COL11A1: variants seen among roughly 807,000 people sequenced by gnomAD.
The protein encoded by COL11A1 is collagen type XI alpha 1 chain.
In COL11A1, 74 loss-of-function variants were observed where a neutral mutation model predicts 265.2. The ratio of observed to expected loss-of-function variants is 0.28; its 90% CI spans 0.23 to 0.34. The LOEUF is 0.34. COL11A1 is among the 10% of genes least tolerant of loss of function. The pLI is 1.00. For synonymous variants in COL11A1, 816 were observed against 727.6 expected, an observed-to-expected ratio of 1.12 and a Z score of -1.96; for missense variants, 2,165 against 2,263.6, an observed-to-expected ratio of 0.96 and a Z score of 0.88.
At chr1:103,051,361 A>G (rs956952212) in intron 4 of COL11A1, among the ~76,000 whole-genome samples, 1 of 152,136 alleles carries the variant, frequency 6.6e-6, no homozygotes, top group Non-Finnish European at 1.5e-5. Context: ...CTGCTGTGCT[A>G]GCAATCAGTG....
intron 46 of COL11A1, among the ~76,000 whole-genome samples, chr1:102,923,918 A>AT (rs1324810250): frequency 3.9e-5 from 6 of 151,994 alleles, no homozygotes; most frequent in Non-Finnish European, 7.4e-5. Context: ...ACTTTTAAAA[A>AT]TTCTTTCAGG....
chr1:102,981,475 G>A (rs377668840), intron 31 of COL11A1, among the ~76,000 whole-genome samples: 1 of 151,944 alleles, frequency 6.6e-6, no homozygotes, highest in African/African-American at 2.4e-5. Context: ...TAAGCAAAGA[G>A]ATATTATGCA....
intron 4 of COL11A1, among the ~76,000 whole-genome samples, chr1:103,050,850 G>A (rs1180790815): frequency 6.6e-6 from 1 of 152,128 alleles, no homozygotes; most frequent in Non-Finnish European, 1.5e-5. Context: ...GTCTGTTGGA[G>A]TTTGCTAGAG....
At position 102,989,529 on chromosome 1, in the gene COL11A1, T is replaced by G. The variant is rs1390463221; in HGVS notation, c.2383A>C (p.Lys795Gln). 6.2e-7 allele frequency: 1 copy of G among 1,610,344 alleles called. No homozygotes were observed. Among genetic ancestry groups the G allele is most frequent in the African/African-American group, 1.3e-5 (1 of 74,792 alleles). ...TTCTCTATACTTACTCTGTCACCTT[T>G]TAGACCCATGTCACCTTTGAATCCT... The part of the protein sequence containing the change: ...FPGFKGDMGL[K>Q]GDRGEVGQIG... Residue 795 changes from lysine (K) to glutamine (Q), a missense_variant, in exon 29 of 67, where the codon AAA becomes CAA. Physicochemically the swap from Lys to Gln is moderately conservative, Grantham distance 53 (BLOSUM62 1). Transcript: ENST00000370096.
intron 54 of COL11A1, among the ~76,000 whole-genome samples, chr1:102,910,945 T>C (rs1626950): frequency 0.028 from 4,318 of 152,258 alleles, 215 homozygotes; most frequent in African/African-American, 0.098. Flanking sequence ...ATGTTTTTTA[T>C]AGTTATTCTT....
In COL11A1 at chr1:103,074,688, T is replaced by A. The variant is rs1671835289; in HGVS notation, c.581A>T (p.Glu194Val). 6.8e-6 allele frequency: 11 copies of A among 1,613,426 alleles called. No homozygotes were observed. Among genetic ancestry groups the A allele is most frequent in the Non-Finnish European group, 9.3e-6 (11 of 1,179,626 alleles). ...KKTTKPLDRS[E>V]RAIVDTNGIT... is the part of the protein sequence containing the mutation. ...TCCATTGGTATCAACAATTGCTCTC[T>A]CACTTCTATCAAGTGGTTTCGTGGT... is the stretch of plus-strand genomic sequence containing the variant. The change falls in exon 4 of 67, where the codon GAG (glutamate) becomes GTG (valine). Residue 194 changes from glutamate to valine, a missense_variant. Coordinates refer to ENST00000370096, the MANE Select transcript of COL11A1 (RefSeq NM_001854.4).
At chr1:103,077,892 T>C (rs1672100807) in intron 3 of COL11A1, among the ~76,000 whole-genome samples, 1 of 152,074 alleles carries the variant, frequency 6.6e-6, no homozygotes, top group South Asian at 2.1e-4. Flanking sequence ...TGAGCCTCAG[T>C]TCCCTTACCA....
chr1:103,025,647 T>C (rs768590462), intron 6 of COL11A1, 34 bp from the exon 7 acceptor site: 2 of 1,590,774 alleles, frequency 1.3e-6, no homozygotes, highest in Admixed American at 3.3e-5. Flanking sequence ...TTAGTAAACA[T>C]GTAAGGTGAT....
intron 66 of COL11A1, 60 bp downstream of exon 66, chr1:102,879,623 G>C (rs1004079968): frequency 6.0e-6 from 9 of 1,489,598 alleles, no homozygotes; most frequent in African/African-American, 1.4e-5. Context: ...AGGACCGACT[G>C]AAACGGTGAC....
At chr1:103,071,446 T>C (rs1332277175) in intron 4 of COL11A1, among the ~76,000 whole-genome samples, 1 of 148,866 alleles carries the variant, frequency 6.7e-6, no homozygotes, top group Non-Finnish European at 1.5e-5. Flanking sequence ...AAATCAAGGC[T>C]GTTGATTTGT....
Position 102,923,374 on chromosome 1 carries a change from G to T in COL11A1, c.3616C>A (p.Pro1206Thr). The T allele has an allele frequency of 1.9e-6, 3 of 1,604,088 alleles. No individual in the cohort carries two copies. The highest frequency in any genetic ancestry group is 1.7e-6 in the Non-Finnish European group (2 of 1,174,348). The change falls in exon 47 of 67, where the codon CCT becomes ACT. Residue 1206 changes from proline to threonine, a missense_variant. Coordinates refer to ENST00000370096, the MANE Select transcript of COL11A1 (RefSeq NM_001854.4). ...PIGLQGLPGP[P>T]GEKGENGDVG... ...TCCCCATTTTCACCTTTTTCACCAG[G>T]TGGGCCTGGCAGACCCTAAGAAAAT... is the stretch of plus-strand genomic sequence containing the variant.
chr1:103,008,941 C>G (rs1307262255), intron 14 of COL11A1, among the ~76,000 whole-genome samples: 1 of 152,076 alleles, frequency 6.6e-6, no homozygotes, highest in Non-Finnish European at 1.5e-5. Flanking sequence ...AATGTTACTG[C>G]TTTTATATTC....
chr1:102,919,912 C>A (rs567680218), intron 49 of COL11A1, among the ~76,000 whole-genome samples: 2 of 151,920 alleles, frequency 1.3e-5, no homozygotes, highest in African/African-American at 2.4e-5. Flanking sequence ...TTACATCAAC[C>A]AATCTCTTCT....
At chr1:103,021,155 T>C (rs1446309408) in intron 9 of COL11A1, among the ~76,000 whole-genome samples, 2 of 151,074 alleles carry the variant, frequency 1.3e-5, no homozygotes, top group African/African-American at 4.8e-5. Flanking sequence ...AGTAAGAATC[T>C]GTTTCTTAGC....
rs761001181 is a variant in COL11A1, at chr1:102,940,428, T to C, written c.3283A>G (p.Lys1095Glu). 1.9e-6 allele frequency: 3 copies of C among 1,612,554 alleles called. No individual in the cohort carries two copies. The highest frequency in any genetic ancestry group is 2.5e-6 in the Non-Finnish European group (3 of 1,178,920). Residue 1095 changes from lysine to glutamate, a missense_variant, in exon 43 of 67, where the codon AAA becomes GAA. Lys to Glu is a moderately conservative substitution (Grantham distance 56, BLOSUM62 1). Transcript: ENST00000370096. ...PAGEKGAPGE[K>E]GPQGPAGRDG... ...CTCCCTGCAGGCCCTTGGGGACCTT[T>C]TTCTCCCTGTATTGAATATCCAAAG... is the stretch of plus-strand genomic sequence containing the variant.
intron 4 of COL11A1, among the ~76,000 whole-genome samples, chr1:103,034,797 A>G (rs972938573): frequency 1.3e-5 from 2 of 151,866 alleles, no homozygotes; most frequent in African/African-American, 4.8e-5. Context: ...ATTTTTGTTG[A>G]AAGTTGAACA....
intron 66 of COL11A1, 64 bp downstream of exon 66, chr1:102,879,619 G>A (rs143841473): frequency 7.6e-6 from 11 of 1,447,204 alleles, no homozygotes; most frequent in Middle Eastern, 1.7e-4. Context: ...GCTAAGGACC[G>A]ACTGAAACGG....
intron 4 of COL11A1, among the ~76,000 whole-genome samples, chr1:103,033,537 T>C (rs542390713): frequency 1.3e-5 from 2 of 152,242 alleles, no homozygotes; most frequent in African/African-American, 4.8e-5. Flanking sequence ...GTAGCTATTA[T>C]TGTTGTATAA....
chr1:103,057,234 CAGA>C (rs973927904), intron 4 of COL11A1, among the ~76,000 whole-genome samples: 15 of 152,058 alleles, frequency 9.9e-5, no homozygotes. Context: ...ACCTCTTCAC[CAGA>C]AGTAGATTCC....
Sources: gnomAD v4.1 joint callset for allele counts (sites outside exome capture counted in the v4.1 genomes callset) on GRCh38, gnomAD v4.1.1 for gene constraint, MANE v1.5 for transcripts, NCBI Gene and HGNC (gene_info 2026-07-23, HGNC 2026-07-21) for gene names.